Variants in HACD3 observed in about 807,000 individuals in gnomAD.
HACD3 encodes the protein very-long-chain (3R)-3-hydroxyacyl-CoA dehydratase 3.
Under a neutral mutation model 55.2 loss-of-function variants are expected in HACD3, and 30 were observed. The observed-to-expected ratio is 0.54, with a 90% CI of 0.41 to 0.74. The LOEUF is 0.74. Among genes scored for constraint, HACD3 ranks in the 30% least tolerant of loss-of-function variants. The pLI is 0.00. For synonymous variants in HACD3, 141 were observed against 151.7 expected (o/e 0.93, Z 0.52); for missense variants, 363 against 440.1 (o/e 0.82, Z 1.57).
At chr15:65,548,512 CAAAAAA>C (rs5813362) in intron 1 of HACD3, among the ~76,000 whole-genome samples, 1 of 79,214 alleles carries the variant, frequency 1.3e-5, no homozygotes, top group East Asian at 2.7e-4. Context: ...GATTCTGTCT[CAAAAAA>C]AAAAAAAAAA....
At position 65,557,431 on chromosome 15, in the gene HACD3, C is replaced by A. The variant is rs147142621; in HGVS notation, c.369+528C>A. On this transcript the variant is annotated intron_variant, in intron 4 of 10. Transcript: ENST00000261875. ...CGGGGCTTGCCGTGAGCCGAGATCACGCCACTGCACTCCAGCCTGGGCAAC... is the reference window on the plus strand; with the variant it reads ...CGGGGCTTGCCGTGAGCCGAGATCAAGCCACTGCACTCCAGCCTGGGCAAC... Among the ~76,000 whole-genome samples the A allele has an allele frequency of 7.5e-3, 1,137 of 151,048 alleles. 14 individuals are homozygous for A. Among genetic ancestry groups the A allele is most frequent in the South Asian group, 0.045 (216 of 4,766 alleles).
In HACD3 at chr15:65,533,664, CT is replaced by C. The variant is rs1234000444; in HGVS notation, c.87+2956del. Among the ~76,000 whole-genome samples the C allele has an allele frequency of 5.7e-4, 82 of 143,686 alleles. No individual in the cohort carries two copies. In the East Asian group the frequency reaches 0.011, roughly 19 times the overall value. The allele number at this position is 143,686 out of a possible 152,430, so 94.3% of individuals were successfully genotyped here. Reference sequence around the variant, plus strand: ...CTGCTTCTGGAGTGTCACGGGTTGCCTTTTTTTTTTCTTTCTCAACTGATTG... The same window carrying C: ...CTGCTTCTGGAGTGTCACGGGTTGCCTTTTTTTTTCTTTCTCAACTGATTG... On this transcript the variant is annotated intron_variant, in intron 1 of 10. Transcript: ENST00000261875.
intron 1 of HACD3, among the ~76,000 whole-genome samples, chr15:65,547,178 C>G (rs536748131): frequency 8.2e-4 from 125 of 152,012 alleles, no homozygotes; most frequent in African/African-American, 2.9e-3. Flanking sequence ...GTGCAGTGGC[C>G]TGATCTCGGC....
chr15:65,548,542 A>G (rs1258602737), intron 1 of HACD3, among the ~76,000 whole-genome samples: 2 of 148,706 alleles, frequency 1.3e-5, no homozygotes, highest in Non-Finnish European at 3.0e-5. Context: ...GATGATTAAG[A>G]TGATTTGAAA....
intron 7 of HACD3, 24 bp from the exon 8 acceptor site, chr15:65,570,065 TTC>T: frequency 7.0e-7 from 1 of 1,435,766 alleles, no homozygotes; most frequent in Non-Finnish European, 9.6e-7. Context: ...ATTAACTTTT[TTC>T]TCTCTTTTGG....
chr15:65,578,233 A>G lies in HACD3; in HGVS notation c.*1854A>G, dbSNP rs190868669. On this transcript the variant is annotated 3_prime_UTR_variant, in exon 11 of 11. Transcript: ENST00000261875. ...ATTGGGCAGATCAGCTTTGCAGTAG[A>G]TTATGCTGCATCCTCGTGGCAAAAT... The G allele has an allele frequency of 9.5e-4, 145 of 152,350 alleles. 2 individuals are homozygous for G. Among genetic ancestry groups the G allele is most frequent in the Admixed American group, 9.3e-3 (142 of 15,306 alleles). 9.4% of individuals were successfully genotyped at this position (152,350 alleles called of 1,614,324 possible). A position where few individuals can be genotyped will look rare whatever the true frequency, so the allele number is the denominator to read the frequency against.
intron 5 of HACD3, among the ~76,000 whole-genome samples, 167 bp downstream of exon 5, chr15:65,558,898 G>A (rs917067088): frequency 1.3e-5 from 2 of 152,156 alleles, no homozygotes; most frequent in Non-Finnish European, 2.9e-5. Context: ...CACTACCCAC[G>A]TCAGAATCCT....
At position 65,530,600 on chromosome 15, in the gene HACD3, C is replaced by T. The variant is rs761548750; in HGVS notation, c.-32C>T. 52 of 1,542,312 alleles carry T rather than the reference C, an allele frequency of 3.4e-5. No homozygotes were observed. The highest frequency in any genetic ancestry group is 4.2e-5 in the Non-Finnish European group (48 of 1,139,820). ...ACCTGAGGCAGCGAGGCGCAGCGAGCCTAGCCTCCCCGCGCCCTGGGCAGT... is the reference window on the plus strand; with the variant it reads ...ACCTGAGGCAGCGAGGCGCAGCGAGTCTAGCCTCCCCGCGCCCTGGGCAGT... On this transcript the variant is annotated 5_prime_UTR_variant, in exon 1 of 11. Coordinates refer to ENST00000261875, the MANE Select transcript of HACD3 (RefSeq NM_016395.4).
intron 9 of HACD3, among the ~76,000 whole-genome samples, 162 bp from the exon 10 acceptor site, chr15:65,572,073 G>C (rs77854980): frequency 0.063 from 9,519 of 152,140 alleles, 310 homozygotes; most frequent in African/African-American, 0.091. Flanking sequence ...TCTTAGAAAA[G>C]TAGGGGAAAA....
At chr15:65,548,300 G>C (rs914175640) in intron 1 of HACD3, among the ~76,000 whole-genome samples, 1 of 151,970 alleles carries the variant, frequency 6.6e-6, no homozygotes, top group Admixed American at 6.6e-5. Flanking sequence ...CTTGAGCCCA[G>C]GAGTTCGGGA....
chr15:65,555,035 G>A, intron 3 of HACD3, 75 bp downstream of exon 3: 2 of 1,180,566 alleles, frequency 1.7e-6, no homozygotes, highest in Non-Finnish European at 2.5e-6. Context: ...ATGGGGAGCA[G>A]GGTTTGTGGA....
At position 65,576,703 on chromosome 15, in the gene HACD3, C is replaced by A; in HGVS notation, c.*324C>A. The A allele has an allele frequency of 7.0e-6, 2 of 285,676 alleles. No homozygotes were observed. Among genetic ancestry groups the A allele is most frequent in the Non-Finnish European group, 1.3e-5 (2 of 153,000 alleles). The allele number at this position is 285,676 out of a possible 1,614,324, so 17.7% of individuals were successfully genotyped here. On this transcript the variant is annotated 3_prime_UTR_variant, in exon 11 of 11. Coordinates refer to ENST00000261875, the MANE Select transcript of HACD3 (RefSeq NM_016395.4). Reference sequence around the variant, plus strand: ...TTTTTTTTTCAAAAAGTGCTTTATCCCTACAATGTACTGACAGTTCTTACA... The same window carrying A: ...TTTTTTTTTCAAAAAGTGCTTTATCACTACAATGTACTGACAGTTCTTACA...
intron 1 of HACD3, among the ~76,000 whole-genome samples, chr15:65,549,940 C>A (rs996229663): frequency 6.6e-6 from 1 of 152,162 alleles, no homozygotes; most frequent in African/African-American, 2.4e-5. Context: ...ACCCCTAGGT[C>A]CCTGGCAGAA....
At chr15:65,535,806 C>T in intron 1 of HACD3, 1 of 645,772 alleles carries the variant, frequency 1.5e-6, no homozygotes, top group Non-Finnish European at 2.8e-6. Flanking sequence ...AGCAGTCCTC[C>T]TGGCTCAGCC....
chr15:65,531,202 G>A (rs1332401075), intron 1 of HACD3: 7 of 151,238 alleles, frequency 4.6e-5, no homozygotes, highest in African/African-American at 1.5e-4. Flanking sequence ...GGGCGCTGCC[G>A]GAGGTGGGGG....
intron 7 of HACD3, among the ~76,000 whole-genome samples, chr15:65,567,683 A>C (rs1344895184): frequency 6.6e-6 from 1 of 152,214 alleles, no homozygotes; most frequent in Non-Finnish European, 1.5e-5. Flanking sequence ...AATGACTGTT[A>C]CATACATACA....
rs1350369914 is a variant in HACD3 at position 65,556,740 on chromosome 15, C to T, written c.206C>T (p.Pro69Leu). The T allele has an allele frequency of 1.0e-5, 16 of 1,605,164 alleles. No homozygotes were observed. The highest frequency in any genetic ancestry group is 1.3e-5 in the African/African-American group (1 of 74,836). The change falls in exon 4 of 11, where the codon CCT (proline) becomes CTT (leucine). Residue 69 changes from proline to leucine, a missense_variant and splice_region_variant. Coordinates refer to ENST00000261875, the MANE Select transcript of HACD3 (RefSeq NM_016395.4). Reference sequence around the variant, plus strand: ...TCACATTTTCACTTTCTCTCCTAGCCTGTTTACAAACTGACCCAGAGGCAG... The same window carrying T: ...TCACATTTTCACTTTCTCTCCTAGCTTGTTTACAAACTGACCCAGAGGCAG... ...LEFLDLVKPE[P>L]VYKLTQRQVN... is the part of the protein sequence containing the mutation.
At chr15:65,536,723 T>G (rs902219101) in intron 1 of HACD3, among the ~76,000 whole-genome samples, 1 of 152,142 alleles carries the variant, frequency 6.6e-6, no homozygotes, top group Non-Finnish European at 1.5e-5. Context: ...GCCACCGCAC[T>G]CCAGTGGCAG....
In HACD3 at chr15:65,539,783, TGAA is replaced by T. The variant is rs2072001665; in HGVS notation, c.87+9066_87+9068del. 2.0e-5 allele frequency among the ~76,000 whole-genome samples: 3 copies of T among 152,012 alleles called. No homozygotes were observed. The South Asian group carries it at 6.2e-4, about 32-fold the overall frequency. On this transcript the variant is annotated intron_variant, in intron 1 of 10. Transcript: ENST00000261875. The stretch of plus-strand genomic sequence containing the variant: ...CACACTGTACAACAGCTACAATGAA[TGAA>T]ACAGAACCATCTTTATAGAATTAAA...
Sources: allele counts gnomAD v4.1 joint callset (sites outside exome capture counted in the v4.1 genomes callset), GRCh38; gene constraint gnomAD v4.1.1; transcripts MANE v1.5; gene names NCBI Gene and HGNC (gene_info 2026-07-23, HGNC 2026-07-21).